TMTC2: variants seen among roughly 807,000 people sequenced by gnomAD.
TMTC2 encodes transmembrane O-mannosyltransferase targeting cadherins 2, also known as protein O-mannosyl-transferase TMTC2.
Under a neutral mutation model 82.4 loss-of-function variants are expected in TMTC2, and 43 were observed. The ratio of observed to expected loss-of-function variants is 0.52; its 90% CI spans 0.41 to 0.67. The LOEUF (loss-of-function observed/expected upper bound fraction) is 0.67. Ranked by LOEUF, TMTC2 falls within the 30% of genes least tolerant of loss-of-function variation. The pLI is 0.00. For missense variants in TMTC2, 919 were observed against 1,012.4 expected, an observed-to-expected ratio of 0.91 and a Z score of 1.25; for synonymous variants, 408 against 381.9, an observed-to-expected ratio of 1.07 and a Z score of -0.80.
intron 9 of TMTC2, among the ~76,000 whole-genome samples, chr12:83,044,151 C>G (rs926414881): frequency 5.3e-5 from 8 of 152,160 alleles, no homozygotes; most frequent in African/African-American, 1.9e-4. Flanking sequence ...AGGAAAATTT[C>G]TGGTGATAAA....
chr12:83,107,296 G>A (rs1884439920), intron 11 of TMTC2, among the ~76,000 whole-genome samples: 2 of 152,176 alleles, frequency 1.3e-5, no homozygotes, highest in Non-Finnish European at 2.9e-5. Context: ...ACCACAACCT[G>A]GGTAATTTAT....
At chr12:83,122,525 C>A (rs1884985457) in intron 11 of TMTC2, among the ~76,000 whole-genome samples, 1 of 152,124 alleles carries the variant, frequency 6.6e-6, no homozygotes. Context: ...CTGTATTTCA[C>A]TCAGCTGTCT....
intron 7 of TMTC2, among the ~76,000 whole-genome samples, chr12:82,982,237 G>C (rs936605128): frequency 1.3e-5 from 2 of 151,740 alleles, no homozygotes; most frequent in African/African-American, 4.8e-5. Flanking sequence ...AACTGTCCTT[G>C]TGCAAGTCAC....
chr12:82,759,829 T>C (rs1425065236), intron 1 of TMTC2: 1 of 152,238 alleles, frequency 6.6e-6, no homozygotes, highest in Admixed American at 6.5e-5. Flanking sequence ...TTAATGCCTA[T>C]GGGTTAGAAA....
At chr12:83,047,498 G>A (rs1274748031) in intron 9 of TMTC2, among the ~76,000 whole-genome samples, 4 of 152,166 alleles carry the variant, frequency 2.6e-5, no homozygotes, top group Non-Finnish European at 5.9e-5. Flanking sequence ...AAAAATACCA[G>A]CCAGATGATT....
chr12:82,995,910 T>G (rs1879597160), intron 8 of TMTC2, among the ~76,000 whole-genome samples: 1 of 152,214 alleles, frequency 6.6e-6, no homozygotes, highest in East Asian at 1.9e-4. Flanking sequence ...GGGACTGGTA[T>G]GAAAGTTGTG....
At chr12:82,730,404 TAA>T (rs1315109699) in intron 1 of TMTC2, among the ~76,000 whole-genome samples, 2 of 150,210 alleles carry the variant, frequency 1.3e-5, no homozygotes, top group Non-Finnish European at 3.0e-5. Flanking sequence ...GGAATAATAA[TAA>T]GAGTGTAGTC....
chr12:82,998,335 G>T (rs1015952960), intron 8 of TMTC2, among the ~76,000 whole-genome samples: 1 of 152,086 alleles, frequency 6.6e-6, no homozygotes, highest in African/African-American at 2.4e-5. Flanking sequence ...CGAGGCTAGA[G>T]CTATGCAGAA....
intron 1 of TMTC2, among the ~76,000 whole-genome samples, chr12:82,715,807 A>G (rs1873868795): frequency 6.6e-6 from 1 of 152,178 alleles, no homozygotes; most frequent in African/African-American, 2.4e-5. Context: ...CATTTGGGAT[A>G]TTGGTTTCTG....
chr12:82,796,306 T>C (rs1057435225), intron 1 of TMTC2, among the ~76,000 whole-genome samples: 4 of 152,094 alleles, frequency 2.6e-5, no homozygotes, highest in Non-Finnish European at 5.9e-5. Flanking sequence ...GGCCGAAGAA[T>C]GATTTTTATT....
chr12:82,957,033 TGATA>T (rs1565827260), intron 4 of TMTC2, among the ~76,000 whole-genome samples: 1 of 152,178 alleles, frequency 6.6e-6, no homozygotes, highest in African/African-American at 2.4e-5. Context: ...CCAACTGGAC[TGATA>T]GATATCTATA....
At chr12:83,121,227 C>A (rs1018907239) in intron 11 of TMTC2, among the ~76,000 whole-genome samples, 1 of 152,040 alleles carries the variant, frequency 6.6e-6, no homozygotes, top group African/African-American at 2.4e-5. Flanking sequence ...GTTAAAGAAC[C>A]TTGTTTTGTC....
At chr12:83,071,435 G>C (rs1883111532) in intron 11 of TMTC2, among the ~76,000 whole-genome samples, 1 of 152,146 alleles carries the variant, frequency 6.6e-6, no homozygotes, top group African/African-American at 2.4e-5. Flanking sequence ...GGGATTACAG[G>C]CGTGAGCCAC....
At chr12:82,940,838 G>A (rs1025995880) in intron 4 of TMTC2, among the ~76,000 whole-genome samples, 2 of 151,644 alleles carry the variant, frequency 1.3e-5, no homozygotes, top group Non-Finnish European at 2.9e-5. Context: ...AAGCCTCCTA[G>A]GTCTCACAAA....
At chr12:82,882,961 C>T (rs1211722369) in intron 2 of TMTC2, among the ~76,000 whole-genome samples, 1 of 144,534 alleles carries the variant, frequency 6.9e-6, no homozygotes, top group African/African-American at 2.5e-5. Flanking sequence ...GAGGCTGAAG[C>T]AGGAGAATTG....
intron 1 of TMTC2, among the ~76,000 whole-genome samples, chr12:82,815,563 C>T (rs1490254437): frequency 2.0e-5 from 3 of 152,036 alleles, no homozygotes; most frequent in Non-Finnish European, 2.9e-5. Context: ...CCGCCCACTT[C>T]GGCCTCCCAA....
intron 11 of TMTC2, among the ~76,000 whole-genome samples, chr12:83,109,583 C>T (rs957495450): frequency 2.0e-5 from 3 of 152,224 alleles, no homozygotes; most frequent in African/African-American, 4.8e-5. Flanking sequence ...ACTATCTCCA[C>T]CTCTAGTACC....
intron 11 of TMTC2, among the ~76,000 whole-genome samples, chr12:83,110,598 A>G (rs1884567929): frequency 6.6e-6 from 1 of 152,128 alleles, no homozygotes; most frequent in Non-Finnish European, 1.5e-5. Context: ...CTCAGTTCTA[A>G]TTTTATTTGT....
intron 7 of TMTC2, 81 bp from the exon 8 acceptor site, chr12:82,985,844 G>T (rs2137337498): frequency 6.7e-7 from 1 of 1,489,938 alleles, no homozygotes; most frequent in Admixed American, 1.8e-5. Context: ...GCAGTATGAT[G>T]ATGATGATGA....
Sources: gnomAD v4.1 joint callset for allele counts (sites outside exome capture counted in the v4.1 genomes callset) on GRCh38, gnomAD v4.1.1 for gene constraint, MANE v1.5 for transcripts, NCBI Gene and HGNC (gene_info 2026-07-23, HGNC 2026-07-21) for gene names.